The following CDH13 variants were observed in gnomAD, a reference collection of about 807,000 sequenced individuals.
The protein encoded by CDH13 is cadherin 13.
Under a neutral mutation model 63.8 loss-of-function variants are expected in CDH13, and 24 were observed. The observed-to-expected ratio is 0.38, with a 90% CI of 0.27 to 0.53. CDH13 has a LOEUF of 0.53. Among genes scored for constraint, CDH13 ranks in the 20% least tolerant of loss-of-function variants. The pLI, the probability that CDH13 is intolerant of heterozygous loss-of-function variation, is 0.85. For missense variants in CDH13, 1,049 were observed against 903.1 expected (o/e 1.16, Z -2.07); for synonymous variants, 503 against 355.3 (o/e 1.42, Z -4.67).
chr16:83,671,808 T>C (rs2150858657), intron 9 of CDH13, among the ~76,000 whole-genome samples: 1 of 152,232 alleles, frequency 6.6e-6, no homozygotes, highest in South Asian at 2.1e-4. Context: ...AAGGAGGAAA[T>C]GTAATTATAA....
chr16:83,723,332 C>G (rs1474275632), intron 10 of CDH13, among the ~76,000 whole-genome samples: 1 of 152,192 alleles, frequency 6.6e-6, no homozygotes, highest in Non-Finnish European at 1.5e-5. Context: ...AGGTTAGCAC[C>G]TCTCTCCATG....
intron 3 of CDH13, among the ~76,000 whole-genome samples, chr16:83,038,077 G>C (rs928890506): frequency 6.6e-6 from 1 of 152,124 alleles, no homozygotes; most frequent in Non-Finnish European, 1.5e-5. Flanking sequence ...AGAGGTAGGT[G>C]GGACCGCCAG....
intron 3 of CDH13, among the ~76,000 whole-genome samples, chr16:83,067,717 G>A (rs2032125902): frequency 6.6e-6 from 1 of 152,146 alleles, no homozygotes; most frequent in Non-Finnish European, 1.5e-5. Context: ...TACTGAAACA[G>A]AATAGGATGA....
chr16:83,591,301 C>G (rs796790783), intron 7 of CDH13, among the ~76,000 whole-genome samples: 3 of 152,306 alleles, frequency 2.0e-5, no homozygotes, highest in African/African-American at 7.2e-5. Context: ...GGGCCCAGGT[C>G]TAGAAAACAA....
intron 1 of CDH13, chr16:82,844,592 C>G (rs1195691936): frequency 7.1e-6 from 1 of 141,012 alleles, no homozygotes; most frequent in Non-Finnish European, 1.5e-5. Context: ...CAGTGTGACA[C>G]TCTGTCTCGG....
intron 10 of CDH13, among the ~76,000 whole-genome samples, chr16:83,690,037 T>A (rs1039885005): frequency 2.7e-5 from 4 of 150,250 alleles, no homozygotes; most frequent in African/African-American, 9.7e-5. Flanking sequence ...AATACAAAAT[T>A]AGCCGGGCGC....
intron 1 of CDH13, among the ~76,000 whole-genome samples, chr16:82,703,070 A>G (rs1362131841): frequency 6.6e-6 from 1 of 152,156 alleles, no homozygotes; most frequent in African/African-American, 2.4e-5. Context: ...GCAAACATGC[A>G]GAGGTTACCA....
chr16:82,803,810 G>A (rs2036997448), intron 1 of CDH13, among the ~76,000 whole-genome samples: 2 of 152,140 alleles, frequency 1.3e-5, no homozygotes, highest in Non-Finnish European at 2.9e-5. Flanking sequence ...GTGATTTGGG[G>A]GAGCAGAAAG....
chr16:82,761,563 C>T (rs2034859384), intron 1 of CDH13, among the ~76,000 whole-genome samples: 1 of 152,176 alleles, frequency 6.6e-6, no homozygotes, highest in Non-Finnish European at 1.5e-5. Context: ...GGCATTGCAT[C>T]ATGAATATGC....
chr16:82,710,235 A>T (rs1331970084), intron 1 of CDH13, among the ~76,000 whole-genome samples: 2 of 145,864 alleles, frequency 1.4e-5, no homozygotes, highest in Non-Finnish European at 3.0e-5. Context: ...TCATAAATTT[A>T]TATATAAATA....
intron 10 of CDH13, among the ~76,000 whole-genome samples, chr16:83,680,854 C>A (rs1188652144): frequency 6.6e-6 from 1 of 151,998 alleles, no homozygotes; most frequent in Non-Finnish European, 1.5e-5. Flanking sequence ...GAACAAAGGC[C>A]TCCAGCATGA....
At chr16:82,883,300 C>T (rs964185194) in intron 2 of CDH13, among the ~76,000 whole-genome samples, 2 of 152,152 alleles carry the variant, frequency 1.3e-5, no homozygotes, top group Non-Finnish European at 1.5e-5. Flanking sequence ...TGTTAATTAC[C>T]ATCATCCCCA....
intron 2 of CDH13, among the ~76,000 whole-genome samples, chr16:82,913,340 T>A (rs986429912): frequency 2.0e-5 from 3 of 152,088 alleles, no homozygotes; most frequent in African/African-American, 7.2e-5. Flanking sequence ...GGATGTCCAT[T>A]CCCACAGGAG....
chr16:83,202,629 A>C (rs1196350910), intron 4 of CDH13, among the ~76,000 whole-genome samples: 1 of 152,180 alleles, frequency 6.6e-6, no homozygotes, highest in East Asian at 1.9e-4. Context: ...TCATGTTAAA[A>C]TTTGTCCTGA....
At chr16:83,512,580 A>G (rs1366273496) in intron 7 of CDH13, among the ~76,000 whole-genome samples, 1 of 150,880 alleles carries the variant, frequency 6.6e-6, no homozygotes, top group Non-Finnish European at 1.5e-5. Flanking sequence ...ACACAGAAGA[A>G]TCATTTGAAC....
At chr16:83,249,864 T>G (rs1905319873) in intron 5 of CDH13, among the ~76,000 whole-genome samples, 1 of 152,228 alleles carries the variant, frequency 6.6e-6, no homozygotes, top group African/African-American at 2.4e-5. Flanking sequence ...GGCCCAGTTT[T>G]CTGTTTGGAT....
intron 3 of CDH13, among the ~76,000 whole-genome samples, chr16:83,054,479 A>C (rs1193671008): frequency 6.6e-6 from 1 of 152,210 alleles, no homozygotes; most frequent in Non-Finnish European, 1.5e-5. Context: ...TAGTATGTAC[A>C]GTGTGGATAC....
intron 4 of CDH13, among the ~76,000 whole-genome samples, chr16:83,171,348 G>A (rs912432915): frequency 6.6e-6 from 1 of 152,066 alleles, no homozygotes; most frequent in Non-Finnish European, 1.5e-5. Flanking sequence ...ATTCATGGAG[G>A]ATGCACCCCC....
rs559442209 is a variant in CDH13 at position 83,785,037 on chromosome 16, G to GT, written c.2134+1567dup. Among the ~76,000 whole-genome samples the GT allele has an allele frequency of 2.8e-3, 422 of 152,352 alleles. 2 individuals are homozygous for GT. The highest frequency in any genetic ancestry group is 4.5e-3 in the Non-Finnish European group (308 of 68,030). On this transcript the variant is annotated intron_variant, in intron 13 of 13. Coordinates refer to ENST00000567109, the MANE Select transcript of CDH13 (RefSeq NM_001257.5). ...AAGCAGAGACAATTTCAGATGAAGG[G>GT]TTAGAGATGGGAGTGGGGACTGAGA...
Sources: allele counts gnomAD v4.1 joint callset (sites outside exome capture counted in the v4.1 genomes callset), GRCh38; gene constraint gnomAD v4.1.1; transcripts MANE v1.5; gene names NCBI Gene and HGNC (gene_info 2026-07-23, HGNC 2026-07-21).